Variants in YTHDC1 observed in about 807,000 individuals in gnomAD.
YTHDC1 encodes YTH N6-methyladenosine RNA binding protein C1, also known as YTH domain-containing protein 1.
Under a neutral mutation model 107.0 loss-of-function variants are expected in YTHDC1, and 12 were observed. That is an observed-to-expected ratio of 0.11 (90% CI 0.07 to 0.18). The LOEUF is 0.18. Ranked by LOEUF, YTHDC1 falls within the 10% of genes least tolerant of loss-of-function variation. The probability of loss-of-function intolerance (pLI) is 1.00; values close to 1 mark genes in which losing one functional copy is unlikely to be tolerated. For synonymous variants in YTHDC1, 280 were observed against 289.5 expected, an observed-to-expected ratio of 0.97 and a Z score of 0.33; for missense variants, 635 against 898.8, an observed-to-expected ratio of 0.71 and a Z score of 3.75.
chr4:68,312,472 T>C lies in YTHDC1; in HGVS notation c.*1627A>G, dbSNP rs985598901. 6.6e-6 allele frequency: 1 copy of C among 152,200 alleles called. No homozygotes were observed. The highest frequency in any genetic ancestry group is 1.5e-5 in the Non-Finnish European group (1 of 68,024). 9.4% of individuals were successfully genotyped at this position (152,200 alleles called of 1,614,324 possible). A position where few individuals can be genotyped will look rare whatever the true frequency, so the allele number is the denominator to read the frequency against. On this transcript the variant is annotated 3_prime_UTR_variant, in exon 17 of 17. Coordinates refer to ENST00000344157, the MANE Select transcript of YTHDC1 (RefSeq NM_001031732.4). ...GACTTACCATGTATCACTAACCGGT[T>C]TAATTAAAGACAATGACAAAACTAG...
At chr4:68,341,978 C>T (rs1367731915) in intron 1 of YTHDC1, among the ~76,000 whole-genome samples, 1 of 152,130 alleles carries the variant, frequency 6.6e-6, no homozygotes, top group African/African-American at 2.4e-5. Context: ...TTAATAAAAC[C>T]TGCCTGCCCC....
chr4:68,326,249 C>T (rs1205041713), intron 9 of YTHDC1, among the ~76,000 whole-genome samples: 3 of 152,084 alleles, frequency 2.0e-5, no homozygotes, highest in African/African-American at 7.2e-5. Flanking sequence ...TCTTTGGTGG[C>T]ACTGGTTCCA....
Position 68,318,679 on chromosome 4 carries a change from G to C in YTHDC1, c.1761+11C>G, listed in dbSNP as rs1334292916. The C allele has an allele frequency of 1.9e-6, 3 of 1,613,424 alleles. No homozygotes were observed. The highest frequency in any genetic ancestry group is 1.3e-5 in the African/African-American group (1 of 74,888). On this transcript the variant is annotated intron_variant, in intron 14 of 16. Transcript: ENST00000344157. The stretch of plus-strand genomic sequence containing the variant: ...TTTATCCACATTAAATAGATAAAAT[G>C]AAATGCTTACCCCATTTAAAAACAC...
chr4:68,328,456 G>A (rs1033022687), intron 9 of YTHDC1, among the ~76,000 whole-genome samples: 5 of 152,280 alleles, frequency 3.3e-5, no homozygotes, highest in Admixed American at 2.0e-4. Flanking sequence ...GGGCAACAGA[G>A]AGGAAGTGGG....
chr4:68,331,967 A>C (rs990645642), intron 7 of YTHDC1, 136 bp downstream of exon 7: 1 of 476,500 alleles, frequency 2.1e-6, no homozygotes, highest in East Asian at 3.4e-5. Flanking sequence ...ACCAGATCCT[A>C]AGTGGCCATT....
At chr4:68,327,391 TG>T (rs1723113623) in intron 9 of YTHDC1, among the ~76,000 whole-genome samples, 1 of 149,504 alleles carries the variant, frequency 6.7e-6, no homozygotes, top group Non-Finnish European at 1.5e-5. Flanking sequence ...TAATTACAGG[TG>T]GCAACCTTAA....
intron 10 of YTHDC1, among the ~76,000 whole-genome samples, chr4:68,323,307 T>C (rs1261802786): frequency 6.6e-6 from 1 of 152,222 alleles, no homozygotes; most frequent in Non-Finnish European, 1.5e-5. Flanking sequence ...CTACTAAGTG[T>C]ATTGAAATAC....
chr4:68,349,787 G>C lies in YTHDC1; in HGVS notation c.-34C>G, dbSNP rs372185472. ...TTCGGTTTCCGCCGCTGCCACCGCC[G>C]CCGCCGCTTAGACGCGACTCGCGCG... is the stretch of plus-strand genomic sequence containing the variant. On this transcript the variant is annotated 5_prime_UTR_variant, in exon 1 of 17. Transcript: ENST00000344157. 6.2e-7 allele frequency: 1 copy of C among 1,612,312 alleles called. No individual in the cohort carries two copies. The highest frequency in any genetic ancestry group is 8.5e-7 in the Non-Finnish European group (1 of 1,179,640).
chr4:68,315,829 A>G (rs1044477248), intron 16 of YTHDC1: 1 of 152,284 alleles, frequency 6.6e-6, no homozygotes, highest in Non-Finnish European at 1.5e-5. Context: ...CTTTGCTAAC[A>G]TCACAATAAC....
chr4:68,317,401 CT>C (rs1284984535), intron 15 of YTHDC1, among the ~76,000 whole-genome samples: 1 of 151,934 alleles, frequency 6.6e-6, no homozygotes, highest in Non-Finnish European at 1.5e-5. Flanking sequence ...TAGTATAAAA[CT>C]GTATACCTTA....
chr4:68,344,981 T>C (rs1049194796), intron 1 of YTHDC1, among the ~76,000 whole-genome samples: 1 of 152,148 alleles, frequency 6.6e-6, no homozygotes, highest in African/African-American at 2.4e-5. Context: ...CAGTGAGCCC[T>C]GATCGCACTA....
chr4:68,320,201 G>A lies in YTHDC1; in HGVS notation c.1606C>T (p.Arg536Ter). 1 of 1,604,578 alleles carries A rather than the reference G, an allele frequency of 6.2e-7. No individual in the cohort carries two copies. Among genetic ancestry groups the A allele is most frequent in the Non-Finnish European group, 8.5e-7 (1 of 1,177,704 alleles). Residue 536 changes from arginine to a stop codon, truncating the protein, a stop_gained, in exon 12 of 17, where the codon CGA becomes TGA. Coordinates refer to ENST00000344157, the MANE Select transcript of YTHDC1 (RefSeq NM_001031732.4). LOFTEE classifies it high-confidence loss of function. ...TTATGAATATCATAATCTTCTGGTC[G>A]ACGCCTACACAAATTAGACACATTA... ...REPVRDVGRR[R>*]PEDYDIHNSR...
intron 15 of YTHDC1, among the ~76,000 whole-genome samples, chr4:68,316,673 T>C (rs1226058304): frequency 1.3e-5 from 2 of 152,182 alleles, no homozygotes; most frequent in Non-Finnish European, 2.9e-5. Flanking sequence ...TAAATAACAA[T>C]GGAAATAGCA....
chr4:68,314,256 C>T lies in YTHDC1; in HGVS notation c.2027G>A (p.Ser676Asn). 6.2e-7 allele frequency: 1 copy of T among 1,614,044 alleles called. No individual in the cohort carries two copies. The highest frequency in any genetic ancestry group is 8.5e-7 in the Non-Finnish European group (1 of 1,180,014). ...TTCCCGGTCTCTTTCACGGGGTCTA[C>T]TTCTCCGGCCACTGACAACAGCTTG... ...RTQAVVSGRRSRPRERDRERE... is the reference protein window; with the variant it reads ...RTQAVVSGRRNRPRERDRERE... Residue 676 changes from serine (S) to asparagine (N), a missense_variant, in exon 17 of 17, where the codon AGT (serine) becomes AAT (asparagine). Ser to Asn is a conservative substitution (Grantham distance 46). This residue lies in a region of YTHDC1 where 256 missense variants were observed against 372.9 expected (regional missense o/e 0.69). Coordinates refer to ENST00000344157, the MANE Select transcript of YTHDC1 (RefSeq NM_001031732.4).
At chr4:68,346,100 T>TGTAC (rs1553908024) in intron 1 of YTHDC1, among the ~76,000 whole-genome samples, 7 of 134,134 alleles carry the variant, frequency 5.2e-5, no homozygotes, top group Non-Finnish European at 1.1e-4. Context: ...TATATATATA[T>TGTAC]ACACACACAC....
At chr4:68,316,925 T>G (rs766145281) in intron 15 of YTHDC1, among the ~76,000 whole-genome samples, 6 of 152,228 alleles carry the variant, frequency 3.9e-5, no homozygotes, top group Non-Finnish European at 7.3e-5. Context: ...CCACTTTGTA[T>G]GTATCTGTTC....
chr4:68,330,410 A>C, intron 7 of YTHDC1, 100 bp from the exon 8 acceptor site: 1 of 693,794 alleles, frequency 1.4e-6, no homozygotes, highest in Non-Finnish European at 2.2e-6. Flanking sequence ...GTGTGCTTTC[A>C]ATTTAAGTAA....
rs1722514327 is a variant in YTHDC1, at chr4:68,322,201, CA to C, written c.1601+547del. Among the ~76,000 whole-genome samples, 1 of 152,166 alleles carries C rather than the reference CA, an allele frequency of 6.6e-6. No homozygotes were observed. Among genetic ancestry groups the C allele is most frequent in the African/African-American group, 2.4e-5 (1 of 41,442 alleles). On this transcript the variant is annotated intron_variant, in intron 11 of 16. Coordinates refer to ENST00000344157, the MANE Select transcript of YTHDC1 (RefSeq NM_001031732.4). This position sits in a 1 kb window ranked among gnomAD's most constrained non-coding sequence, Gnocchi z 4.8. Reference sequence around the variant, plus strand: ...ATATTTGGCAATAGGGTTAACACATCACGGTGATAAAATCTGAAACAGTCCC... The same window carrying C: ...ATATTTGGCAATAGGGTTAACACATCCGGTGATAAAATCTGAAACAGTCCC...
At chr4:68,314,401 T>C (rs1002094357) in intron 16 of YTHDC1, 78 bp from the exon 17 acceptor site, 78 of 1,206,414 alleles carry the variant, frequency 6.5e-5, no homozygotes, top group Middle Eastern at 2.2e-4. Context: ...GAAAAAAAAA[T>C]TTATATAAAC....
Sources: gnomAD v4.1 joint callset for allele counts (sites outside exome capture counted in the v4.1 genomes callset) on GRCh38, gnomAD v4.1.1 for gene constraint, gnomAD v4.1.1 regional missense constraint, Gnocchi (gnomAD v3.1) non-coding constraint, MANE v1.5 for transcripts, NCBI Gene and HGNC (gene_info 2026-07-23, HGNC 2026-07-21) for gene names.